WDR17: variants seen among roughly 807,000 people sequenced by gnomAD.
The protein encoded by WDR17 is WD repeat-containing protein 17.
Under a neutral mutation model 161.7 loss-of-function variants are expected in WDR17, and 143 were observed. That is an observed-to-expected ratio of 0.88 (90% CI 0.77 to 1.02). WDR17 has a LOEUF of 1.02. Ranked by LOEUF, WDR17 falls within the 50% of genes least tolerant of loss-of-function variation. The pLI, the probability that WDR17 is intolerant of heterozygous loss-of-function variation, is 0.00. For missense variants in WDR17, 1,469 were observed against 1,520.9 expected (o/e 0.97, Z 0.57); for synonymous variants, 517 against 515.6 (o/e 1.00, Z -0.04).
Position 176,179,712 on chromosome 4 carries a change from C to A in WDR17, c.*133C>A. The A allele has an allele frequency of 1.3e-6, 1 of 780,048 alleles. No homozygotes were observed. Among genetic ancestry groups the A allele is most frequent in the Non-Finnish European group, 1.8e-6 (1 of 569,712 alleles). The allele number at this position is 780,048 out of a possible 1,614,324, so 48.3% of individuals were successfully genotyped here. A position where few individuals can be genotyped will look rare whatever the true frequency, so the allele number is the denominator to read the frequency against. Reference sequence around the variant, plus strand: ...GCAGGTTGGGAGAGGTGGGAAATAGCAGTGAATTTTAGTCATTAACTTCAA... The same window carrying A: ...GCAGGTTGGGAGAGGTGGGAAATAGAAGTGAATTTTAGTCATTAACTTCAA... On this transcript the variant is annotated 3_prime_UTR_variant, in exon 29 of 29. Transcript: ENST00000508596.
intron 1 of WDR17, among the ~76,000 whole-genome samples, chr4:176,106,599 G>C (rs1005210033): frequency 3.3e-5 from 5 of 152,128 alleles, no homozygotes; most frequent in Non-Finnish European, 5.9e-5. Context: ...AAAGGCACAG[G>C]CATCAAAAGC....
In WDR17 at chr4:176,167,644, CAAAAAA is replaced by C. The variant is rs34187946; in HGVS notation, c.2991-1005_2991-1000del. Among the ~76,000 whole-genome samples the C allele has an allele frequency of 5.0e-4, 12 of 23,830 alleles. 1 individual carries two copies. In the South Asian group the frequency reaches 0.023, roughly 45 times the overall value. 15.6% of individuals were successfully genotyped at this position (23,830 alleles called of 152,430 possible). On this transcript the variant is annotated intron_variant, in intron 22 of 28. Transcript: ENST00000508596. ...CCTGGGCGACAGCGAGACTCCGTCT[CAAAAAA>C]AAAAAAAAAAAAAAAAAAAAAACAA...
intron 1 of WDR17, among the ~76,000 whole-genome samples, chr4:176,082,257 G>A (rs955141245): frequency 1.3e-5 from 2 of 151,926 alleles, no homozygotes; most frequent in African/African-American, 2.4e-5. Context: ...AAGGCAAAAC[G>A]ACACCAATTC....
intron 1 of WDR17, among the ~76,000 whole-genome samples, chr4:176,092,782 C>T (rs1236086832): frequency 6.6e-6 from 1 of 152,168 alleles, no homozygotes; most frequent in Non-Finnish European, 1.5e-5. Flanking sequence ...TGGCTCACGT[C>T]TGTAATCTCA....
intron 18 of WDR17, among the ~76,000 whole-genome samples, chr4:176,156,810 GA>G (rs1281669475): frequency 2.0e-5 from 3 of 152,128 alleles, no homozygotes; most frequent in Non-Finnish European, 4.4e-5. Flanking sequence ...CTCTGAGAAA[GA>G]ATTAGTTCCA....
chr4:176,154,507 T>C (rs1747749313), intron 17 of WDR17, among the ~76,000 whole-genome samples: 1 of 151,318 alleles, frequency 6.6e-6, no homozygotes, highest in South Asian at 2.1e-4. Flanking sequence ...AAAAGAAATA[T>C]GGGTGTCCAT....
At chr4:176,118,146 C>T (rs968526190) in intron 3 of WDR17, among the ~76,000 whole-genome samples, 1 of 152,080 alleles carries the variant, frequency 6.6e-6, no homozygotes, top group Non-Finnish European at 1.5e-5. Flanking sequence ...AATAATACTA[C>T]CTACCTATCT....
At chr4:176,135,324 A>C (rs751226695) in intron 8 of WDR17, 48 bp downstream of exon 8, 1 of 1,591,718 alleles carries the variant, frequency 6.3e-7, no homozygotes, top group South Asian at 1.1e-5. Flanking sequence ...ATGGCTTTTT[A>C]AAGTTTTATT....
intron 1 of WDR17, among the ~76,000 whole-genome samples, chr4:176,100,521 C>T (rs1485142887): frequency 6.6e-6 from 1 of 152,070 alleles, no homozygotes; most frequent in Non-Finnish European, 1.5e-5. Flanking sequence ...GATATTTCTC[C>T]TATTCTGCAG....
chr4:176,160,244 C>G, intron 19 of WDR17, 118 bp downstream of exon 19: 1 of 1,170,206 alleles, frequency 8.5e-7, no homozygotes, highest in South Asian at 2.2e-5. Context: ...GGCTTGGCTT[C>G]TGCCCTCCTC....
chr4:176,069,522 G>A (rs1333642932), intron 1 of WDR17, among the ~76,000 whole-genome samples: 1 of 152,154 alleles, frequency 6.6e-6, no homozygotes, highest in East Asian at 1.9e-4. Context: ...ATGTGTCAGT[G>A]AAGATGTTAT....
intron 1 of WDR17, among the ~76,000 whole-genome samples, chr4:176,083,723 T>A (rs1415464231): frequency 1.3e-5 from 2 of 152,146 alleles, no homozygotes; most frequent in African/African-American, 4.8e-5. Context: ...TCATGGGGTA[T>A]GTATTTGTTC....
At chr4:176,178,157 G>A (rs1400521640) in intron 28 of WDR17, among the ~76,000 whole-genome samples, 1 of 151,954 alleles carries the variant, frequency 6.6e-6, no homozygotes, top group Non-Finnish European at 1.5e-5. Context: ...TTTTGTCATA[G>A]CCACCCAAAA....
At chr4:176,114,818 C>G (rs1357049485) in intron 2 of WDR17, among the ~76,000 whole-genome samples, 1 of 151,476 alleles carries the variant, frequency 6.6e-6, no homozygotes, top group Non-Finnish European at 1.5e-5. Flanking sequence ...TAAACTCAGA[C>G]CTCAGTAGGA....
Position 176,179,652 on chromosome 4 carries a change from T to G in WDR17, c.*73T>G. The G allele has an allele frequency of 7.2e-7, 1 of 1,386,642 alleles. No individual in the cohort carries two copies. Among genetic ancestry groups the G allele is most frequent in the South Asian group, 2.0e-5 (1 of 49,200 alleles). The allele number at this position is 1,386,642 out of a possible 1,614,324, so 85.9% of individuals were successfully genotyped here. On this transcript the variant is annotated 3_prime_UTR_variant, in exon 29 of 29. Transcript: ENST00000508596. ...TCATGGGTTAGCATTACCTTAATCT[T>G]TGTTGCTCAAGTGCCAGAGGTTGGG...
chr4:176,155,012 A>G (rs1747839985), intron 17 of WDR17, among the ~76,000 whole-genome samples: 1 of 152,176 alleles, frequency 6.6e-6, no homozygotes, highest in African/African-American at 2.4e-5. Context: ...TTAAATGAAG[A>G]AATGACAATA....
intron 1 of WDR17, among the ~76,000 whole-genome samples, chr4:176,093,304 A>G (rs1278163743): frequency 6.6e-6 from 1 of 152,114 alleles, no homozygotes; most frequent in Non-Finnish European, 1.5e-5. Flanking sequence ...TCAAAATACC[A>G]ATGACATTCT....
chr4:176,082,476 G>A (rs112343467), intron 1 of WDR17, among the ~76,000 whole-genome samples: 2 of 152,092 alleles, frequency 1.3e-5, no homozygotes, highest in African/African-American at 4.8e-5. Context: ...CTGCATAACC[G>A]AGAAATGCAA....
intron 25 of WDR17, among the ~76,000 whole-genome samples, chr4:176,173,757 C>G (rs1352936922): frequency 1.3e-5 from 2 of 151,958 alleles, no homozygotes; most frequent in Non-Finnish European, 2.9e-5. Context: ...CCTCGTGATC[C>G]ACCCACCTCG....
Sources: allele counts gnomAD v4.1 joint callset (sites outside exome capture counted in the v4.1 genomes callset), GRCh38; gene constraint gnomAD v4.1.1; transcripts MANE v1.5; gene names NCBI Gene and HGNC (gene_info 2026-07-23, HGNC 2026-07-21).